Variants in FAM120AOS observed in about 807,000 individuals in gnomAD.
FAM120AOS encodes the protein family with sequence similarity 120 member A opposite strand.
FAM120AOS carries 15 observed loss-of-function variants against 20.2 expected under a neutral mutation model. That is an observed-to-expected ratio of 0.74 (90% CI 0.50 to 1.15). The LOEUF is 1.15. Among genes scored for constraint, FAM120AOS ranks in the 50% most tolerant of loss-of-function variants. The pLI, the probability that FAM120AOS is intolerant of heterozygous loss-of-function variation, is 0.00. For synonymous variants in FAM120AOS, 154 were observed against 154.0 expected, an observed-to-expected ratio of 1.00 and a Z score of 0.00; for missense variants, 327 against 351.9, an observed-to-expected ratio of 0.93 and a Z score of 0.57.
In FAM120AOS at chr9:93,447,363, C is replaced by A. The variant is rs1462499464; in HGVS notation, c.*248G>T. On this transcript the variant is annotated 3_prime_UTR_variant, in exon 3 of 3. Coordinates refer to ENST00000375412, the MANE Select transcript of FAM120AOS (RefSeq NM_198841.4). ...CACCAGGGGCTCAGTCGCTGTTTGT[C>A]TTATTTTCTTGTTGACTCTACTCTG... is the stretch of plus-strand genomic sequence containing the variant. The A allele has an allele frequency of 4.6e-6, 2 of 438,860 alleles. No individual in the cohort carries two copies. Among genetic ancestry groups the A allele is most frequent in the Non-Finnish European group, 8.2e-6 (2 of 242,646 alleles). The allele number at this position is 438,860 out of a possible 1,614,324, so 27.2% of individuals were successfully genotyped here. A position where few individuals can be genotyped will look rare whatever the true frequency, so the allele number is the denominator to read the frequency against.
intron 1 of FAM120AOS, chr9:93,451,772 C>T: frequency 1.0e-6 from 1 of 981,244 alleles, no homozygotes; most frequent in Non-Finnish European, 1.2e-6. Context: ...GCGGCCGCGG[C>T]GGCCATGAGC....
chr9:93,453,382 T>C lies in FAM120AOS; in HGVS notation c.-673A>G. On this transcript the variant is annotated 5_prime_UTR_variant, in exon 1 of 3. Transcript: ENST00000375412. ...ATAAGCACATCCATGATCCTGGACT[T>C]CACGTTCTGATTGCTTGCTTTTTTC... The C allele has an allele frequency of 1.0e-5, 10 of 985,486 alleles. No individual in the cohort carries two copies. The highest frequency in any genetic ancestry group is 1.2e-5 in the Non-Finnish European group (10 of 829,960). 61.0% of individuals were successfully genotyped at this position (985,486 alleles called of 1,614,324 possible). A position where few individuals can be genotyped will look rare whatever the true frequency, so the allele number is the denominator to read the frequency against.
chr9:93,450,539 G>A lies in FAM120AOS; in HGVS notation c.624C>T (p.Ser208=). ...AACCGTGCGCGTGCAGGCTCCATGTGCTGGGCAGCAGCTGTCCGGCCACAG... is the reference window on the plus strand; with the variant it reads ...AACCGTGCGCGTGCAGGCTCCATGTACTGGGCAGCAGCTGTCCGGCCACAG... ...RQAVAGQLLP[S]TWSLHAHGLA... Residue 208 remains serine (S), a synonymous_variant, in exon 2 of 3, where the codon AGC becomes AGT. Transcript: ENST00000375412. 6.2e-7 allele frequency: 1 copy of A among 1,606,794 alleles called. No individual in the cohort carries two copies. The highest frequency in any genetic ancestry group is 8.5e-7 in the Non-Finnish European group (1 of 1,176,262).
intron 2 of FAM120AOS, among the ~76,000 whole-genome samples, chr9:93,449,784 C>G (rs7862998): frequency 0.19 from 29,245 of 151,768 alleles, 3,392 homozygotes; most frequent in African/African-American, 0.33. Flanking sequence ...CCACGCCCGG[C>G]CGCACTAATG....
chr9:93,452,771 A>G lies in FAM120AOS; in HGVS notation c.-62T>C. 1.3e-6 allele frequency: 2 copies of G among 1,596,088 alleles called. No homozygotes were observed. The highest frequency in any genetic ancestry group is 1.7e-6 in the Non-Finnish European group (2 of 1,179,280). On this transcript the variant is annotated 5_prime_UTR_variant, in exon 1 of 3. Transcript: ENST00000375412. The surrounding 1 kb of genome is among the most constrained non-coding windows in gnomAD (Gnocchi z 7.0). ...CTTTGACAAAATACTCCCTTTTCTA[A>G]TTTAGCCTGTTCTTTCCCAGCAACA...
At chr9:93,448,617 T>G (rs1856945345) in intron 2 of FAM120AOS, 1 of 152,456 alleles carries the variant, frequency 6.6e-6, no homozygotes, top group South Asian at 2.0e-4. Flanking sequence ...CAGATGTTTA[T>G]TTTTTATTTT....
intron 1 of FAM120AOS, chr9:93,451,713 C>A: frequency 2.0e-6 from 2 of 985,518 alleles, no homozygotes; most frequent in Non-Finnish European, 2.4e-6. Context: ...GCAGCGGCGG[C>A]GGCGGCAGGT....
intron 1 of FAM120AOS, chr9:93,451,826 C>G (rs1185335664): frequency 7.2e-6 from 7 of 968,136 alleles, no homozygotes; most frequent in Non-Finnish European, 8.6e-6. Context: ...CCGCCGCCCC[C>G]GCCCGCCAGC....
At chr9:93,451,851 C>A (rs1857234299) in intron 1 of FAM120AOS, 1 of 974,986 alleles carries the variant, frequency 1.0e-6, no homozygotes, top group Admixed American at 6.3e-5. Flanking sequence ...CCGCGCGCCA[C>A]GGCCCCACCA....
intron 2 of FAM120AOS, among the ~76,000 whole-genome samples, chr9:93,448,795 T>A (rs1396961057): frequency 6.6e-6 from 1 of 151,310 alleles, no homozygotes; most frequent in African/African-American, 2.5e-5. Context: ...TTTTTTTTTG[T>A]ATTTTTTTTA....
At position 93,450,840 on chromosome 9, in the gene FAM120AOS, C is replaced by G. The variant is rs1004360160; in HGVS notation, c.564-241G>C. 20 of 906,482 alleles carry G rather than the reference C, an allele frequency of 2.2e-5. No individual in the cohort carries two copies. In the African/African-American group the frequency reaches 2.5e-4, roughly 11 times the overall value. The allele number at this position is 906,482 out of a possible 1,614,324, so 56.2% of individuals were successfully genotyped here. ...AAGATGCTACTAAAGCAACAAGATT[C>G]AAATCCCTCTCCCTCAGAAGAGCTG... is the stretch of plus-strand genomic sequence containing the variant. On this transcript the variant is annotated intron_variant, in intron 1 of 2. Coordinates refer to ENST00000375412, the MANE Select transcript of FAM120AOS (RefSeq NM_198841.4).
At position 93,452,954 on chromosome 9, in the gene FAM120AOS, T is replaced by C. The variant is rs1302605178; in HGVS notation, c.-245A>G. ...TAAGGGCCAGTGCCCTGGCCTCTAC[T>C]TCAGAACGCAGTGCCCTGTCCGTGT... On this transcript the variant is annotated 5_prime_UTR_variant, in exon 1 of 3. Coordinates refer to ENST00000375412, the MANE Select transcript of FAM120AOS (RefSeq NM_198841.4). This position sits in a 1 kb window ranked among gnomAD's most constrained non-coding sequence, Gnocchi z 7.0. The C allele has an allele frequency of 6.5e-6, 9 of 1,383,612 alleles. No homozygotes were observed. The East Asian group carries it at 2.6e-4, about 40-fold the overall frequency. The allele number at this position is 1,383,612 out of a possible 1,614,324, so 85.7% of individuals were successfully genotyped here.
rs1043622706 is a variant in FAM120AOS at position 93,445,101 on chromosome 9, T to C, written c.*2510A>G. 6.6e-6 allele frequency among the ~76,000 whole-genome samples: 1 copy of C among 152,178 alleles called. No homozygotes were observed. Among genetic ancestry groups the C allele is most frequent in the Non-Finnish European group, 1.5e-5 (1 of 68,032 alleles). On this transcript the variant is annotated 3_prime_UTR_variant, in exon 3 of 3. Transcript: ENST00000375412. ...AGAGTGGCTTAAGATTTAGAAGGCA[T>C]AGCTCTACAGTCTCTTTGTCTTCTA...
Position 93,444,585 on chromosome 9 carries a change from G to A in FAM120AOS, c.*3026C>T, listed in dbSNP as rs899494982. Among the ~76,000 whole-genome samples the A allele has an allele frequency of 2.0e-5, 3 of 151,576 alleles. No individual in the cohort carries two copies. Among genetic ancestry groups the A allele is most frequent in the African/African-American group, 7.3e-5 (3 of 41,230 alleles). On this transcript the variant is annotated 3_prime_UTR_variant, in exon 3 of 3. Coordinates refer to ENST00000375412, the MANE Select transcript of FAM120AOS (RefSeq NM_198841.4). ...ACCTGTAGGTTACGGAAATGTCACA[G>A]TATGTTTTGAGGCCAGTAAGGAGTT...
chr9:93,444,983 T>G lies in FAM120AOS; in HGVS notation c.*2628A>C, dbSNP rs1291572350. Among the ~76,000 whole-genome samples the G allele has an allele frequency of 1.3e-5, 2 of 152,104 alleles. No individual in the cohort carries two copies. The highest frequency in any genetic ancestry group is 2.4e-5 in the African/African-American group (1 of 41,402). On this transcript the variant is annotated 3_prime_UTR_variant, in exon 3 of 3. Transcript: ENST00000375412. ...TTGGCTTCATAATAATAAAGTGAATTTGTGGTATTAAATAAATGGAAAAAA... is the reference window on the plus strand; with the variant it reads ...TTGGCTTCATAATAATAAAGTGAATGTGTGGTATTAAATAAATGGAAAAAA...
Position 93,453,544 on chromosome 9 carries a change from C to A in FAM120AOS, c.-835G>T. On this transcript the variant is annotated 5_prime_UTR_variant, in exon 1 of 3. Coordinates refer to ENST00000375412, the MANE Select transcript of FAM120AOS (RefSeq NM_198841.4). ...TTGTGAAATTCTGTCTTCGCGGTTG[C>A]CCCCACTGCCCGCGAGGAGATGGTG... is the stretch of plus-strand genomic sequence containing the variant. The A allele has an allele frequency of 1.0e-6, 1 of 985,412 alleles. No homozygotes were observed. The highest frequency in any genetic ancestry group is 1.2e-6 in the Non-Finnish European group (1 of 829,932). The allele number at this position is 985,412 out of a possible 1,614,324, so 61.0% of individuals were successfully genotyped here.
At position 93,446,482 on chromosome 9, in the gene FAM120AOS, A is replaced by C. The variant is rs542484133; in HGVS notation, c.*1129T>G. On this transcript the variant is annotated 3_prime_UTR_variant, in exon 3 of 3. Transcript: ENST00000375412. ...TTACGGGAATTCCTAATTAAAAAAAAAACTCACTTGATTTATATCACATTG... is the reference window on the plus strand; with the variant it reads ...TTACGGGAATTCCTAATTAAAAAAACAACTCACTTGATTTATATCACATTG... 22 of 152,354 alleles carry C rather than the reference A, an allele frequency of 1.4e-4. No individual in the cohort carries two copies. The highest frequency in any genetic ancestry group is 2.5e-4 in the Non-Finnish European group (17 of 68,030). The allele number at this position is 152,354 out of a possible 1,614,324, so 9.4% of individuals were successfully genotyped here.
rs757780907 is a variant in FAM120AOS, at chr9:93,450,574, T to G, written c.589A>C (p.Asn197His). 8.7e-6 allele frequency: 14 copies of G among 1,606,954 alleles called. No homozygotes were observed. Among genetic ancestry groups the G allele is most frequent in the Non-Finnish European group, 1.1e-5 (13 of 1,176,546 alleles). The change falls in exon 2 of 3, where the codon AAC becomes CAC. Residue 197 changes from asparagine to histidine, a missense_variant. Around this residue, in one of 3 missense-constraint regions of FAM120AOS, gnomAD observed 86 missense variants for 82.9 expected, o/e 1.04. Coordinates refer to ENST00000375412, the MANE Select transcript of FAM120AOS (RefSeq NM_198841.4). ...AGCTGTCCGGCCACAGCCTGTCGGT[T>G]GCATCCTGCTCCTCTACAGAGGTTT... ...ARNLCRGAGC[N>H]RQAVAGQLLP...
At position 93,452,422 on chromosome 9, in the gene FAM120AOS, G is replaced by A. The variant is rs773846801; in HGVS notation, c.288C>T (p.Pro96=). Residue 96 remains proline (P), a synonymous_variant, in exon 1 of 3, where the codon CCC becomes CCT. Coordinates refer to ENST00000375412, the MANE Select transcript of FAM120AOS (RefSeq NM_198841.4). The surrounding 1 kb of genome is among the most constrained non-coding windows in gnomAD (Gnocchi z 7.0). ...LGRGIGVRRG[P]GPRPARIPGL... Reference sequence around the variant, plus strand: ...CGGGGATCCGGGCGGGCCGGGGACCGGGGCCGCGCCGCACCCCTATCCCCC... The same window carrying A: ...CGGGGATCCGGGCGGGCCGGGGACCAGGGCCGCGCCGCACCCCTATCCCCC... The A allele has an allele frequency of 2.5e-6, 4 of 1,577,634 alleles. No homozygotes were observed. Among genetic ancestry groups the A allele is most frequent in the Admixed American group, 1.8e-5 (1 of 55,402 alleles).
Sources: gnomAD v4.1 joint callset for allele counts (sites outside exome capture counted in the v4.1 genomes callset) on GRCh38, gnomAD v4.1.1 for gene constraint, gnomAD v4.1.1 regional missense constraint, Gnocchi (gnomAD v3.1) non-coding constraint, MANE v1.5 for transcripts, NCBI Gene and HGNC (gene_info 2026-07-23, HGNC 2026-07-21) for gene names.